KCNH5: variants seen among roughly 807,000 people sequenced by gnomAD.
KCNH5 encodes potassium voltage-gated channel subfamily H member 5.
A neutral mutation model predicts 96.1 loss-of-function variants in KCNH5; 46 were observed. That is an observed-to-expected ratio of 0.48 (90% CI 0.38 to 0.61). The LOEUF is 0.61. KCNH5 is among the 20% of genes least tolerant of loss of function. The pLI is 0.00. For missense variants in KCNH5, 907 were observed against 1,225.8 expected (o/e 0.74, Z 3.88); for synonymous variants, 439 against 449.8 (o/e 0.98, Z 0.30).
At chr14:63,024,564 C>T (rs1016547960) in intron 1 of KCNH5, among the ~76,000 whole-genome samples, 13 of 151,612 alleles carry the variant, frequency 8.6e-5, no homozygotes, top group African/African-American at 2.9e-4. Context: ...AGAGAGAAGA[C>T]TCAAAAAAAT....
Position 62,707,622 on chromosome 14 carries a change from T to C in KCNH5, c.2853A>G (p.Ser951=), listed in dbSNP as rs1483813022. ...ILSEKSVPQA[S]SPKSQMPLQV... The stretch of plus-strand genomic sequence containing the variant: ...GGAGTGGCATTTGGGATTTGGGAGA[T>C]GAGGCCTGGGGTACGCTTTTTTCCG... The change falls in exon 11 of 11, where the codon TCA becomes TCG. Residue 951 remains serine, a synonymous_variant. Transcript: ENST00000322893. 1 of 1,553,062 alleles carries C rather than the reference T, an allele frequency of 6.4e-7. No homozygotes were observed. The highest frequency in any genetic ancestry group is 1.2e-5 in the South Asian group (1 of 81,432).
chr14:62,995,051 T>G (rs1414199499), intron 4 of KCNH5, among the ~76,000 whole-genome samples: 3 of 152,088 alleles, frequency 2.0e-5, no homozygotes, highest in Non-Finnish European at 2.9e-5. Context: ...ACGTTCAAAT[T>G]AGTTGGCTGC....
At chr14:62,897,863 G>C (rs1006976196) in intron 7 of KCNH5, among the ~76,000 whole-genome samples, 2 of 152,132 alleles carry the variant, frequency 1.3e-5, no homozygotes, top group East Asian at 3.9e-4. Context: ...GGGAGGGGTG[G>C]TAATTGAAAC....
chr14:62,897,487 C>T (rs1888837202), intron 7 of KCNH5, among the ~76,000 whole-genome samples: 1 of 152,046 alleles, frequency 6.6e-6, no homozygotes. Flanking sequence ...TCAACCCACA[C>T]AGAAGAAAGA....
chr14:62,738,503 T>C (rs1351744712), intron 10 of KCNH5, among the ~76,000 whole-genome samples: 1 of 152,134 alleles, frequency 6.6e-6, no homozygotes, highest in African/African-American at 2.4e-5. Context: ...TCATCTCATA[T>C]AAATAATAAC....
At chr14:62,859,286 C>T (rs1168191916) in intron 7 of KCNH5, among the ~76,000 whole-genome samples, 1 of 152,148 alleles carries the variant, frequency 6.6e-6, no homozygotes, top group Admixed American at 6.5e-5. Flanking sequence ...TCAGCAGTGG[C>T]CATAGCCAGA....
chr14:62,911,791 C>A (rs1889160685), intron 7 of KCNH5, among the ~76,000 whole-genome samples: 1 of 151,110 alleles, frequency 6.6e-6, no homozygotes, highest in Non-Finnish European at 1.5e-5. Flanking sequence ...AATCCCAGCA[C>A]TTTAGGAGGG....
intron 7 of KCNH5, among the ~76,000 whole-genome samples, chr14:62,876,113 G>A (rs140468696): frequency 7.9e-4 from 121 of 152,314 alleles, no homozygotes; most frequent in African/African-American, 2.7e-3. Context: ...GTTGCAGTGA[G>A]TCGAGATGGT....
At chr14:63,017,134 G>A (rs1014389362) in intron 1 of KCNH5, among the ~76,000 whole-genome samples, 180 bp from the exon 2 acceptor site, 2 of 151,908 alleles carry the variant, frequency 1.3e-5, no homozygotes, top group African/African-American at 4.8e-5. Flanking sequence ...CATGAGACCT[G>A]CAATAAATAT....
chr14:63,025,670 T>G (rs1273905794), intron 1 of KCNH5, among the ~76,000 whole-genome samples: 1 of 146,534 alleles, frequency 6.8e-6, no homozygotes, highest in Non-Finnish European at 1.5e-5. Flanking sequence ...AGGTGAAAGA[T>G]CTATACACTG....
intron 8 of KCNH5, among the ~76,000 whole-genome samples, chr14:62,832,197 A>G (rs1887367059): frequency 6.6e-6 from 1 of 152,208 alleles, no homozygotes; most frequent in Non-Finnish European, 1.5e-5. Flanking sequence ...TATATAATAC[A>G]GTAGTAATAA....
intron 6 of KCNH5, among the ~76,000 whole-genome samples, chr14:62,954,413 G>T (rs1890062814): frequency 6.6e-6 from 1 of 152,172 alleles, no homozygotes; most frequent in African/African-American, 2.4e-5. Flanking sequence ...AACTCCTTAA[G>T]GAGCAGATCT....
At chr14:62,814,782 C>CAAAAAGAAAAA (rs772584111) in intron 8 of KCNH5, among the ~76,000 whole-genome samples, 1 of 33,748 alleles carries the variant, frequency 3.0e-5, no homozygotes, top group African/African-American at 1.5e-4. Context: ...GACTCCATCT[C>CAAAAAGAAAAA]AAAAAAAAAA....
intron 10 of KCNH5, among the ~76,000 whole-genome samples, chr14:62,747,167 C>A (rs762373238): frequency 6.6e-6 from 1 of 152,182 alleles, no homozygotes; most frequent in Non-Finnish European, 1.5e-5. Context: ...AGACCCATCT[C>A]TACTAAAAAT....
chr14:62,766,269 G>T (rs942412335), intron 10 of KCNH5, among the ~76,000 whole-genome samples: 2 of 152,028 alleles, frequency 1.3e-5, no homozygotes, highest in African/African-American at 4.8e-5. Context: ...CAAATTTGTA[G>T]GTTCCTCAAA....
intron 3 of KCNH5, among the ~76,000 whole-genome samples, chr14:63,004,429 C>T (rs553157940): frequency 2.2e-4 from 34 of 152,246 alleles, no homozygotes; most frequent in African/African-American, 7.9e-4. Context: ...CACTTATCTG[C>T]ATAGAGAGTT....
At chr14:62,777,479 T>C (rs1317564086) in intron 10 of KCNH5, among the ~76,000 whole-genome samples, 1 of 152,232 alleles carries the variant, frequency 6.6e-6, no homozygotes. Flanking sequence ...AGATGGTAGC[T>C]AGTATTACTA....
chr14:62,820,284 T>C (rs540187504), intron 8 of KCNH5, among the ~76,000 whole-genome samples: 1 of 152,246 alleles, frequency 6.6e-6, no homozygotes, highest in Non-Finnish European at 1.5e-5. Flanking sequence ...ACCTCTATCT[T>C]CATGTGGTTA....
chr14:62,807,575 T>A (rs1886792723), intron 8 of KCNH5, among the ~76,000 whole-genome samples: 1 of 152,170 alleles, frequency 6.6e-6, no homozygotes, highest in Non-Finnish European at 1.5e-5. Flanking sequence ...AACTGCTTCT[T>A]GAACTTTTAA....
Sources: gnomAD v4.1 joint callset for allele counts (sites outside exome capture counted in the v4.1 genomes callset) on GRCh38, gnomAD v4.1.1 for gene constraint, MANE v1.5 for transcripts, NCBI Gene and HGNC (gene_info 2026-07-23, HGNC 2026-07-21) for gene names.